CENPK: variants seen among roughly 807,000 people sequenced by gnomAD.
CENPK encodes centromere protein K.
A neutral mutation model predicts 40.9 loss-of-function variants in CENPK; 46 were observed. That is an observed-to-expected ratio of 1.13 (90% CI 0.89 to 1.44). CENPK has a LOEUF of 1.44. CENPK is among the 40% of genes most tolerant of loss of function. The pLI, the probability that CENPK is intolerant of heterozygous loss-of-function variation, is 0.00. For missense variants in CENPK, 288 were observed against 303.5 expected, an observed-to-expected ratio of 0.95 and a Z score of 0.38; for synonymous variants, 107 against 104.4, an observed-to-expected ratio of 1.02 and a Z score of -0.15.
At chr5:65,531,343 A>G (rs768249815) in intron 6 of CENPK, among the ~76,000 whole-genome samples, 3 of 152,152 alleles carry the variant, frequency 2.0e-5, no homozygotes, top group Admixed American at 6.5e-5. Context: ...AGAAGCAACC[A>G]ATATGAAAAT....
chr5:65,536,491 G>T (rs1746912862), intron 6 of CENPK, among the ~76,000 whole-genome samples: 1 of 152,070 alleles, frequency 6.6e-6, no homozygotes, highest in Non-Finnish European at 1.5e-5. Flanking sequence ...AGCCAGGCAT[G>T]GTGGCACACA....
chr5:65,551,122 C>T (rs560751468), intron 5 of CENPK: 10 of 374,650 alleles, frequency 2.7e-5, no homozygotes, highest in African/African-American at 1.1e-4. Context: ...TGGTGGCACA[C>T]ACTTGTAGTC....
the CENPK span, among the ~76,000 whole-genome samples, chr5:65,510,883 G>C: frequency 6.6e-6 from 1 of 152,108 alleles, no homozygotes; most frequent in Non-Finnish European, 1.5e-5. Flanking sequence ...AAGAGGAAGA[G>C]AGATATTCCT....
downstream of CENPK, among the ~76,000 whole-genome samples, chr5:65,515,707 A>G (rs1742809686): frequency 6.6e-6 from 1 of 152,108 alleles, no homozygotes; most frequent in Non-Finnish European, 1.5e-5. Flanking sequence ...TTTGAAAAGA[A>G]TAAGTTAATT....
At chr5:65,532,767 G>T in intron 6 of CENPK, among the ~76,000 whole-genome samples, 1 of 151,416 alleles carries the variant, frequency 6.6e-6, no homozygotes, top group Non-Finnish European at 1.5e-5. Context: ...AAATTAGCCA[G>T]GCATGGTGGA....
At chr5:65,538,371 T>TC (rs1747340162) in intron 6 of CENPK, among the ~76,000 whole-genome samples, 2 of 152,198 alleles carry the variant, frequency 1.3e-5, no homozygotes, top group South Asian at 4.1e-4. Context: ...GAATAAGGCT[T>TC]TATGATGTGT....
intron 10 of CENPK, among the ~76,000 whole-genome samples, chr5:65,518,942 A>C (rs1372421401): frequency 1.3e-5 from 2 of 152,218 alleles, no homozygotes; most frequent in Non-Finnish European, 2.9e-5. Flanking sequence ...AATCTTAAAA[A>C]ATTAATATTT....
chr5:65,540,459 T>G (rs755027739), intron 6 of CENPK, among the ~76,000 whole-genome samples: 3 of 152,180 alleles, frequency 2.0e-5, no homozygotes, highest in Admixed American at 6.5e-5. Context: ...ATGCATGAGT[T>G]GACTGATGGC....
chr5:65,519,845 T>C (rs927466433), intron 10 of CENPK, among the ~76,000 whole-genome samples: 1 of 152,238 alleles, frequency 6.6e-6, no homozygotes, highest in Non-Finnish European at 1.5e-5. Flanking sequence ...CAATGGCTTA[T>C]TTTAGTACAA....
At chr5:65,499,067 C>T in the CENPK span, among the ~76,000 whole-genome samples, 5 of 151,376 alleles carry the variant, frequency 3.3e-5, no homozygotes, top group Non-Finnish European at 7.4e-5. Flanking sequence ...CCTTTATTGC[C>T]CAGGGTTATC....
chr5:65,558,556 T>A (rs1036324372), intron 2 of CENPK, among the ~76,000 whole-genome samples: 2 of 152,150 alleles, frequency 1.3e-5, no homozygotes, highest in African/African-American at 4.8e-5. Context: ...AAGAAAGTAC[T>A]GCGAGTTTAA....
chr5:65,543,553 A>G lies in CENPK; in HGVS notation c.242-705T>C, dbSNP rs10940042. Among the ~76,000 whole-genome samples, 5 of 152,312 alleles carry G rather than the reference A, an allele frequency of 3.3e-5. No individual in the cohort carries two copies. In the East Asian group the frequency reaches 7.7e-4, roughly 24 times the overall value. Reference sequence around the variant, plus strand: ...ATTATATTCATCTTACTTTCACTCAATAAAACCCCCAGGGAAACCTAGACC... The same window carrying G: ...ATTATATTCATCTTACTTTCACTCAGTAAAACCCCCAGGGAAACCTAGACC... On this transcript the variant is annotated intron_variant, in intron 5 of 10. Coordinates refer to ENST00000396679, the MANE Select transcript of CENPK (RefSeq NM_022145.5).
the CENPK span, among the ~76,000 whole-genome samples, chr5:65,497,333 C>T: frequency 6.6e-6 from 1 of 151,938 alleles, no homozygotes; most frequent in African/African-American, 2.4e-5. Context: ...GCCCCCACTG[C>T]ACTCCAGCCT....
At chr5:65,542,530 G>A (rs987423533) in intron 6 of CENPK, among the ~76,000 whole-genome samples, 2 of 151,870 alleles carry the variant, frequency 1.3e-5, no homozygotes, top group African/African-American at 2.4e-5. Context: ...CTAGCTACTC[G>A]GGAGGCTGAG....
At chr5:65,513,391 C>T (rs1367748211), downstream of CENPK, among the ~76,000 whole-genome samples, 1 of 152,114 alleles carries the variant, frequency 6.6e-6, no homozygotes, top group African/African-American at 2.4e-5. Context: ...GTTAGGAAGA[C>T]GTAACACCTT....
the CENPK span, among the ~76,000 whole-genome samples, chr5:65,511,093 C>T: frequency 6.6e-6 from 1 of 152,258 alleles, no homozygotes; most frequent in African/African-American, 2.4e-5. Flanking sequence ...TAAGACACAA[C>T]CACAACATTC....
intron 6 of CENPK, among the ~76,000 whole-genome samples, chr5:65,542,218 G>C (rs889745582): frequency 2.0e-5 from 3 of 152,128 alleles, no homozygotes; most frequent in Non-Finnish European, 4.4e-5. Context: ...GTATGTATGG[G>C]GTCATTAAGC....
At chr5:65,555,021 G>T (rs898704290) in intron 2 of CENPK, 75 bp from the exon 3 acceptor site, 4 of 718,546 alleles carry the variant, frequency 5.6e-6, no homozygotes, top group African/African-American at 5.4e-5. Flanking sequence ...CATCTAGGGG[G>T]TAAGAATATA....
At chr5:65,534,963 G>C (rs13157797) in intron 6 of CENPK, among the ~76,000 whole-genome samples, 53,719 of 152,008 alleles carry the variant, frequency 0.35, 9,899 homozygotes, top group East Asian at 0.58. Flanking sequence ...CATGCCTGTA[G>C]TTCCAGCACT....
Sources: gnomAD v4.1 joint callset for allele counts (sites outside exome capture counted in the v4.1 genomes callset) on GRCh38, gnomAD v4.1.1 for gene constraint, MANE v1.5 for transcripts, NCBI Gene and HGNC (gene_info 2026-07-23, HGNC 2026-07-21) for gene names.